The following ZNF469 variants were observed in gnomAD, a reference collection of about 807,000 sequenced individuals.
ZNF469 encodes zinc finger protein 469.
Under a neutral mutation model 1.0 loss-of-function variants are expected in ZNF469, and 1 was observed. That is an observed-to-expected ratio of 1.00 (90% CI 0.35 to 4.73). ZNF469 has a LOEUF of 4.73. ZNF469 is among the 30% of genes most tolerant of loss of function. ZNF469 has a pLI of 0.16. For missense variants in ZNF469, 6,100 were observed against 5,356.3 expected, an observed-to-expected ratio of 1.14 and a Z score of -4.33; for synonymous variants, 2,703 against 2,363.4, an observed-to-expected ratio of 1.14 and a Z score of -4.17.
chr16:88,438,851 G>A lies in ZNF469; in HGVS notation c.11381G>A (p.Arg3794Lys). The change falls in exon 3 of 3, where the codon AGG becomes AAG. Residue 3794 changes from arginine (R) to lysine (K), a missense_variant. By Grantham distance (26) the Arg-to-Lys change is conservative. Coordinates refer to ENST00000565624, the MANE Select transcript of ZNF469 (RefSeq NM_001367624.2). ...AQAKSCTKGPREAGEQGPHGS... is the reference protein window; with the variant it reads ...AQAKSCTKGPKEAGEQGPHGS... ...GCCAAGAGCTGCACCAAGGGGCCAAGGGAAGCTGGTGAGCAGGGGCCCCAC... is the reference window on the plus strand; with the variant it reads ...GCCAAGAGCTGCACCAAGGGGCCAAAGGAAGCTGGTGAGCAGGGGCCCCAC... 1.3e-6 allele frequency: 2 copies of A among 1,550,410 alleles called. No individual in the cohort carries two copies. The highest frequency in any genetic ancestry group is 1.7e-6 in the Non-Finnish European group (2 of 1,146,992).
the ZNF469 span, among the ~76,000 whole-genome samples, chr16:88,103,519 G>A: frequency 1.1e-4 from 16 of 152,314 alleles, no homozygotes; most frequent in African/African-American, 3.8e-4. Flanking sequence ...GCCTGAGTTT[G>A]GGGGCCTGCC....
upstream of ZNF469, among the ~76,000 whole-genome samples, chr16:88,382,522 G>T (rs1393448887): frequency 6.6e-6 from 1 of 152,196 alleles, no homozygotes; most frequent in African/African-American, 2.4e-5. Context: ...CCTCCTTATG[G>T]TGCCTTCGAG....
the ZNF469 span, among the ~76,000 whole-genome samples, chr16:88,240,004 G>A: frequency 6.7e-5 from 10 of 150,338 alleles, no homozygotes; most frequent in East Asian, 1.6e-3. Context: ...CCCCATTGGC[G>A]GTGGAGGGGC....
chr16:88,105,449 C>T, the ZNF469 span, among the ~76,000 whole-genome samples: 4 of 152,034 alleles, frequency 2.6e-5, no homozygotes, highest in African/African-American at 7.3e-5. Flanking sequence ...GGACTATAGG[C>T]ACCTGTGACC....
At position 88,424,210 on chromosome 16, in the gene ZNF469, CAG is replaced by C. The variant is rs1217578814; in HGVS notation, c.-191-592_-191-591del. On this transcript the variant is annotated intron_variant, in intron 1 of 2. Coordinates refer to ENST00000565624, the MANE Select transcript of ZNF469 (RefSeq NM_001367624.2). This position sits in a 1 kb window ranked among gnomAD's most constrained non-coding sequence, Gnocchi z 4.3. ...CAGCCTGGATGCGAGGACGAGTGGACAGAGAGTGAGAAACCTCTTCACGGAAT... is the reference window on the plus strand; with the variant it reads ...CAGCCTGGATGCGAGGACGAGTGGACAGAGTGAGAAACCTCTTCACGGAAT... Among the ~76,000 whole-genome samples, 5 of 152,182 alleles carry C rather than the reference CAG, an allele frequency of 3.3e-5. No homozygotes were observed.
chr16:88,246,525 C>G, the ZNF469 span, among the ~76,000 whole-genome samples: 1 of 152,216 alleles, frequency 6.6e-6, no homozygotes, highest in Non-Finnish European at 1.5e-5. Context: ...CACTCGTTCT[C>G]ACACTTCAGC....
the ZNF469 span, among the ~76,000 whole-genome samples, chr16:88,261,916 A>G: frequency 2.0e-5 from 3 of 152,162 alleles, no homozygotes; most frequent in Admixed American, 1.3e-4. The surrounding 1 kb of genome is among the most constrained non-coding windows in gnomAD (Gnocchi z 6.0). Context: ...TCTGAGCCCA[A>G]GGAAGGCCTC....
the ZNF469 span, among the ~76,000 whole-genome samples, chr16:88,358,344 G>T: frequency 6.6e-6 from 1 of 152,212 alleles, no homozygotes. Flanking sequence ...CAGGGACCGT[G>T]TTGGGCAGAG....
At chr16:88,349,653 G>A in the ZNF469 span, among the ~76,000 whole-genome samples, 2 of 98,594 alleles carry the variant, frequency 2.0e-5, no homozygotes, top group South Asian at 3.6e-4. Flanking sequence ...CACACAGCAG[G>A]CACAATACAC....
the ZNF469 span, among the ~76,000 whole-genome samples, chr16:88,114,509 C>T: frequency 2.8e-4 from 42 of 152,280 alleles, no homozygotes; most frequent in African/African-American, 9.9e-4. Flanking sequence ...AGGGACCACA[C>T]TCACTGCGGA....
chr16:88,111,184 C>T, the ZNF469 span, among the ~76,000 whole-genome samples: 4 of 152,322 alleles, frequency 2.6e-5, no homozygotes, highest in South Asian at 4.1e-4. Context: ...AAGAGGCCAG[C>T]GTGAGGAAGG....
the ZNF469 span, among the ~76,000 whole-genome samples, chr16:88,349,261 C>T: frequency 0.077 from 11,730 of 152,110 alleles, 472 homozygotes; most frequent in East Asian, 0.15. Context: ...GAGGGCTGAG[C>T]GAGGCTCTAC....
At chr16:88,331,498 T>TATC in the ZNF469 span, among the ~76,000 whole-genome samples, 1 of 131,588 alleles carries the variant, frequency 7.6e-6, no homozygotes, top group Non-Finnish European at 1.6e-5. Context: ...TCACTATTGT[T>TATC]ATCACCACCA....
At chr16:88,160,810 C>T in the ZNF469 span, among the ~76,000 whole-genome samples, 1 of 152,100 alleles carries the variant, frequency 6.6e-6, no homozygotes, top group Non-Finnish European at 1.5e-5. Flanking sequence ...GCCACCCAGC[C>T]GCCAGCAGGC....
the ZNF469 span, among the ~76,000 whole-genome samples, chr16:88,187,370 CA>C: frequency 1.3e-5 from 2 of 152,194 alleles, no homozygotes; most frequent in Admixed American, 6.5e-5. Flanking sequence ...CTATTAACAG[CA>C]AAATTCTCGC....
chr16:88,345,802 A>T, the ZNF469 span, among the ~76,000 whole-genome samples: 1 of 152,132 alleles, frequency 6.6e-6, no homozygotes, highest in Non-Finnish European at 1.5e-5. Context: ...AGCTTTTCAT[A>T]GGGGAGAATG....
the ZNF469 span, among the ~76,000 whole-genome samples, chr16:88,197,284 G>A: frequency 2.6e-4 from 39 of 152,152 alleles, no homozygotes; most frequent in Non-Finnish European, 4.8e-4. Context: ...ATGGCTCACC[G>A]CGGGATCCTG....
At position 88,433,651 on chromosome 16, in the gene ZNF469, C is replaced by T. The variant is rs1454893025; in HGVS notation, c.6181C>T (p.Pro2061Ser). The T allele has an allele frequency of 3.2e-6, 5 of 1,550,210 alleles. No individual in the cohort carries two copies. In the East Asian group the frequency reaches 7.3e-5, roughly 23 times the overall value. Residue 2061 changes from proline to serine, a missense_variant, in exon 3 of 3, where the codon CCT becomes TCT. By Grantham distance (74) the Pro-to-Ser change is moderately conservative. Coordinates refer to ENST00000565624, the MANE Select transcript of ZNF469 (RefSeq NM_001367624.2). ...CGAGCCCACCCCAAGCCCCCCGTCC[C>T]CTAATAGGGAGTCCCTGGCGCTGGC... is the stretch of plus-strand genomic sequence containing the variant. ...EAEPTPSPPS[P>S]NRESLALALT...
At chr16:88,175,129 C>T in the ZNF469 span, among the ~76,000 whole-genome samples, 11 of 152,142 alleles carry the variant, frequency 7.2e-5, no homozygotes, top group African/African-American at 2.7e-4. Context: ...TCAGGCCCTG[C>T]CAGGATAATC....
Sources: allele counts gnomAD v4.1 joint callset (sites outside exome capture counted in the v4.1 genomes callset), GRCh38; gene constraint gnomAD v4.1.1; non-coding constraint Gnocchi (gnomAD v3.1); transcripts MANE v1.5; gene names NCBI Gene and HGNC (gene_info 2026-07-23, HGNC 2026-07-21).